The following HSPA12B variants were observed in gnomAD, a reference collection of about 807,000 sequenced individuals.
HSPA12B encodes the protein heat shock protein family A (Hsp70) member 12B.
A neutral mutation model predicts 69.3 loss-of-function variants in HSPA12B; 54 were observed. The ratio of observed to expected loss-of-function variants is 0.78; its 90% CI spans 0.63 to 0.98. The LOEUF (loss-of-function observed/expected upper bound fraction) is 0.98, where lower values mean the gene tolerates loss of function less well. HSPA12B is among the 50% of genes least tolerant of loss of function. HSPA12B has a pLI of 0.00. For synonymous variants in HSPA12B, 441 were observed against 436.5 expected, an observed-to-expected ratio of 1.01 and a Z score of -0.13; for missense variants, 929 against 999.8, an observed-to-expected ratio of 0.93 and a Z score of 0.96.
Position 3,744,205 on chromosome 20 carries a change from C to G in HSPA12B, c.267-697C>G, listed in dbSNP as rs2088257086. Among the ~76,000 whole-genome samples the G allele has an allele frequency of 6.6e-6, 1 of 152,210 alleles. No homozygotes were observed. Among genetic ancestry groups the G allele is most frequent in the Non-Finnish European group, 1.5e-5 (1 of 68,050 alleles). ...AATGGAGACATAGACAGACAGGTAA[C>G]TGCTCCCAAAATACATGGGACTTGA... On this transcript the variant is annotated intron_variant, in intron 4 of 12. Transcript: ENST00000254963. The surrounding 1 kb of genome is among the most constrained non-coding windows in gnomAD (Gnocchi z 4.9).
At position 3,752,036 on chromosome 20, in the gene HSPA12B, C is replaced by G. The variant is rs932951524; in HGVS notation, c.1931C>G (p.Ala644Gly). Residue 644 changes from alanine to glycine, a missense_variant, in exon 13 of 13, where the codon GCC becomes GGC. This residue lies in a region of HSPA12B where 448 missense variants were observed against 448.1 expected (regional missense o/e 1.00). Transcript: ENST00000254963. The stretch of plus-strand genomic sequence containing the variant: ...CCCGCCGACTGCGGCCAGGACACCG[C>G]CGGCGCGCCTCCCGGCCGCCGCGAG... ...LEPADCGQDT[A>G]GAPPGRREIR... 2.1e-5 allele frequency: 33 copies of G among 1,553,136 alleles called. No homozygotes were observed. Among genetic ancestry groups the G allele is most frequent in the Non-Finnish European group, 2.6e-5 (30 of 1,155,554 alleles).
chr20:3,739,854 G>A (rs1208052629), intron 2 of HSPA12B, among the ~76,000 whole-genome samples: 1 of 152,154 alleles, frequency 6.6e-6, no homozygotes, highest in Non-Finnish European at 1.5e-5. Flanking sequence ...TGTCCATGGA[G>A]CTTCCTACCA....
intron 4 of HSPA12B, among the ~76,000 whole-genome samples, chr20:3,743,533 C>T (rs1044026969): frequency 1.2e-4 from 19 of 152,104 alleles, no homozygotes; most frequent in African/African-American, 4.6e-4. Context: ...CAAACACACA[C>T]ATATACAAAC....
At position 3,745,197 on chromosome 20, in the gene HSPA12B, T is replaced by C. The variant is rs1056476068; in HGVS notation, c.453+109T>C. 2.2e-5 allele frequency: 23 copies of C among 1,038,038 alleles called. 1 individual carries two copies. The African/African-American group carries it at 3.3e-4, about 15-fold the overall frequency. 64.3% of individuals were successfully genotyped at this position (1,038,038 alleles called of 1,614,324 possible). On this transcript the variant is annotated intron_variant, in intron 5 of 12. Transcript: ENST00000254963. The surrounding 1 kb of genome is among the most constrained non-coding windows in gnomAD (Gnocchi z 5.6). ...ACGTGTGAGGACCGGCCCGATGGAG[T>C]CGTGGCTGAGAGGGGGCGGGGCTAA...
chr20:3,751,090 T>A (rs2088412071), intron 12 of HSPA12B, 183 bp downstream of exon 12: 1 of 453,392 alleles, frequency 2.2e-6, no homozygotes. Flanking sequence ...TGATATGTAG[T>A]CTTGCCAAGG....
At chr20:3,739,555 G>T (rs1341145637) in intron 2 of HSPA12B, among the ~76,000 whole-genome samples, 1 of 152,206 alleles carries the variant, frequency 6.6e-6, no homozygotes, top group Admixed American at 6.5e-5. Flanking sequence ...CAGCAACTTG[G>T]CCTCTCGGGC....
rs6139191 is a variant in HSPA12B, at chr20:3,744,061, A to G, written c.267-841A>G. Among the ~76,000 whole-genome samples, 37,369 of 152,108 alleles carry G rather than the reference A, an allele frequency of 0.25. 5,354 individuals are homozygous for G. The highest frequency in any genetic ancestry group is 0.39 in the African/African-American group (16,197 of 41,458). On this transcript the variant is annotated intron_variant, in intron 4 of 12. Transcript: ENST00000254963. This position sits in a 1 kb window ranked among gnomAD's most constrained non-coding sequence, Gnocchi z 4.9. ...ACCTCAAGACCCCAGTCCTCTGAAT[A>G]TGTCCTAGAGGGTCGGCAGGCAGTA...
rs2088288310 is a variant in HSPA12B at position 3,745,699 on chromosome 20, C to T, written c.558+102C>T. ...CCGTCCCCGACATTGGATGGGTAGC[C>T]ACCGCCGGAGCTCAGAGGTCATCTT... On this transcript the variant is annotated intron_variant, in intron 6 of 12. Coordinates refer to ENST00000254963, the MANE Select transcript of HSPA12B (RefSeq NM_052970.5). This position sits in a 1 kb window ranked among gnomAD's most constrained non-coding sequence, Gnocchi z 5.6. The T allele has an allele frequency of 1.9e-5, 21 of 1,101,894 alleles. No individual in the cohort carries two copies. The South Asian group carries it at 2.6e-4, about 14-fold the overall frequency. 68.3% of individuals were successfully genotyped at this position (1,101,894 alleles called of 1,614,324 possible).
chr20:3,745,265 G>A lies in HSPA12B; in HGVS notation c.453+177G>A, dbSNP rs1677678551. ...CGGTGTGGGCGGAGCTCAGAAATGAGGTGGAGGCGGGGCTAATGTGGGTGG... is the reference window on the plus strand; with the variant it reads ...CGGTGTGGGCGGAGCTCAGAAATGAAGTGGAGGCGGGGCTAATGTGGGTGG... On this transcript the variant is annotated intron_variant, in intron 5 of 12. Coordinates refer to ENST00000254963, the MANE Select transcript of HSPA12B (RefSeq NM_052970.5). The surrounding 1 kb of genome is among the most constrained non-coding windows in gnomAD (Gnocchi z 5.6). 6.6e-6 allele frequency among the ~76,000 whole-genome samples: 1 copy of A among 151,922 alleles called. No individual in the cohort carries two copies. The highest frequency in any genetic ancestry group is 6.6e-5 in the Admixed American group (1 of 15,264).
rs568154836 is a variant in HSPA12B, at chr20:3,737,107, T to A, written c.-17-1551T>A. ...AAATAAATAAATAAATAAATAAATA[T>A]GAAATACATGTTCTGATTCAGCAGG... On this transcript the variant is annotated intron_variant, in intron 1 of 12. Transcript: ENST00000254963. The surrounding 1 kb of genome is among the most constrained non-coding windows in gnomAD (Gnocchi z 4.1). 8.2e-4 allele frequency among the ~76,000 whole-genome samples: 119 copies of A among 145,628 alleles called. No individual in the cohort carries two copies. The highest frequency in any genetic ancestry group is 4.7e-3 in the South Asian group (20 of 4,232).
intron 1 of HSPA12B, among the ~76,000 whole-genome samples, chr20:3,736,793 C>A (rs111336770): frequency 0.025 from 3,858 of 152,230 alleles, 154 homozygotes; most frequent in African/African-American, 0.087. Flanking sequence ...GAGGCTGAGA[C>A]GGGCGGATCA....
chr20:3,751,062 G>T (rs962285496), intron 12 of HSPA12B, among the ~76,000 whole-genome samples, 155 bp downstream of exon 12: 3 of 152,212 alleles, frequency 2.0e-5, no homozygotes, highest in African/African-American at 7.2e-5. Context: ...GTGCAGTGGT[G>T]ATTAAGAGCT....
intron 11 of HSPA12B, among the ~76,000 whole-genome samples, 190 bp downstream of exon 11, chr20:3,750,417 C>T (rs866197973): frequency 6.6e-6 from 1 of 152,170 alleles, no homozygotes; most frequent in South Asian, 2.1e-4. Context: ...AGGCTCCACC[C>T]ACGGAATCCG....
intron 8 of HSPA12B, among the ~76,000 whole-genome samples, chr20:3,748,950 C>T (rs2088358428): frequency 6.6e-6 from 1 of 152,210 alleles, no homozygotes; most frequent in Non-Finnish European, 1.5e-5. Context: ...ACCTACCTGC[C>T]TCCGCTCCTC....
rs1442653492 is a variant in HSPA12B, at chr20:3,744,433, G to A, written c.267-469G>A. Among the ~76,000 whole-genome samples the A allele has an allele frequency of 1.3e-5, 2 of 152,126 alleles. No individual in the cohort carries two copies. The highest frequency in any genetic ancestry group is 2.9e-5 in the Non-Finnish European group (2 of 68,026). On this transcript the variant is annotated intron_variant, in intron 4 of 12. Transcript: ENST00000254963. The surrounding 1 kb of genome is among the most constrained non-coding windows in gnomAD (Gnocchi z 4.9). Reference sequence around the variant, plus strand: ...GTGACAGTCACAGGAAATAACTGGGGGACATTCCAGCCTCCTCCCAAGCTC... The same window carrying A: ...GTGACAGTCACAGGAAATAACTGGGAGACATTCCAGCCTCCTCCCAAGCTC...
chr20:3,752,065 C>T lies in HSPA12B; in HGVS notation c.1960C>T (p.Arg654Cys), dbSNP rs762013051. The T allele has an allele frequency of 1.3e-6, 2 of 1,547,328 alleles. No homozygotes were observed. Among genetic ancestry groups the T allele is most frequent in the East Asian group, 4.7e-5 (2 of 42,686 alleles). ...CGCGCCTCCCGGCCGCCGCGAGATC[C>T]GCGCCGCCATGCAGTTTGGCGACAC... ...AGAPPGRREIRAAMQFGDTEI... is the reference protein window; with the variant it reads ...AGAPPGRREICAAMQFGDTEI... The change falls in exon 13 of 13, where the codon CGC becomes TGC. Residue 654 changes from arginine (R) to cysteine (C), a missense_variant. Coordinates refer to ENST00000254963, the MANE Select transcript of HSPA12B (RefSeq NM_052970.5).
At chr20:3,738,632 C>T (rs751389413) in intron 1 of HSPA12B, 26 bp from the exon 2 acceptor site, 7 of 1,604,960 alleles carry the variant, frequency 4.4e-6, no homozygotes, top group Non-Finnish European at 6.0e-6. Flanking sequence ...ATAAATCCCA[C>T]TCTGCTTGTC....
rs939831152 is a variant in HSPA12B, at chr20:3,751,745, T to A, written c.1640T>A (p.Val547Glu). Reference sequence around the variant, plus strand: ...TCGCCGCTCACCTATGGCGTGGGCGTGCTCAACCGCTTTGTGCCTGGGCGC... The same window carrying A: ...TCGCCGCTCACCTATGGCGTGGGCGAGCTCAACCGCTTTGTGCCTGGGCGC... Reference protein sequence around the residue: ...RRSPLTYGVGVLNRFVPGRHP... With the variant: ...RRSPLTYGVGELNRFVPGRHP... Residue 547 changes from valine (V) to glutamate (E), a missense_variant, in exon 13 of 13, where the codon GTG becomes GAG. Physicochemically the swap from Val to Glu is moderately radical, Grantham distance 121. Coordinates refer to ENST00000254963, the MANE Select transcript of HSPA12B (RefSeq NM_052970.5). 3.3e-6 allele frequency: 5 copies of A among 1,521,392 alleles called. No homozygotes were observed. Among genetic ancestry groups the A allele is most frequent in the Non-Finnish European group, 4.4e-6 (5 of 1,140,078 alleles). The allele number at this position is 1,521,392 out of a possible 1,614,324, so 94.2% of individuals were successfully genotyped here.
rs1411295693 is a variant in HSPA12B at position 3,749,630 on chromosome 20, C to T, written c.938-120C>T. On this transcript the variant is annotated intron_variant, in intron 9 of 12. Coordinates refer to ENST00000254963, the MANE Select transcript of HSPA12B (RefSeq NM_052970.5). This position sits in a 1 kb window ranked among gnomAD's most constrained non-coding sequence, Gnocchi z 5.5. ...CCTGAAGCCCCTCACGTCCCTCCCC[C>T]GACCCTGCAGACAGGCCTTGGGACC... 5.5e-6 allele frequency: 4 copies of T among 732,348 alleles called. No homozygotes were observed. Among genetic ancestry groups the T allele is most frequent in the Non-Finnish European group, 8.8e-6 (4 of 454,210 alleles). 45.4% of individuals were successfully genotyped at this position (732,348 alleles called of 1,614,324 possible).
Sources: gnomAD v4.1 joint callset for allele counts (sites outside exome capture counted in the v4.1 genomes callset) on GRCh38, gnomAD v4.1.1 for gene constraint, gnomAD v4.1.1 regional missense constraint, Gnocchi (gnomAD v3.1) non-coding constraint, MANE v1.5 for transcripts, NCBI Gene and HGNC (gene_info 2026-07-23, HGNC 2026-07-21) for gene names.